PAPOLG: variants seen among roughly 807,000 people sequenced by gnomAD.
PAPOLG encodes poly(A) polymerase gamma.
Under a neutral mutation model 99.0 loss-of-function variants are expected in PAPOLG, and 40 were observed. The ratio of observed to expected loss-of-function variants is 0.40; its 90% confidence interval spans 0.31 to 0.53. PAPOLG has a LOEUF of 0.53. Ranked by LOEUF, PAPOLG falls within the 20% of genes least tolerant of loss-of-function variation. The pLI is 0.41. For missense variants in PAPOLG, 675 were observed against 884.1 expected, an observed-to-expected ratio of 0.76 and a Z score of 3.00; for synonymous variants, 310 against 299.3, an observed-to-expected ratio of 1.04 and a Z score of -0.37.
intron 7 of PAPOLG, 74 bp downstream of exon 7, chr2:60,771,704 G>T: frequency 1.3e-6 from 2 of 1,493,722 alleles, no homozygotes; most frequent in Non-Finnish European, 9.0e-7. Context: ...TTGCTGAATT[G>T]ACTATTCAGT....
intron 1 of PAPOLG, among the ~76,000 whole-genome samples, chr2:60,759,707 A>G (rs976985289): frequency 3.9e-5 from 6 of 152,252 alleles, no homozygotes; most frequent in Admixed American, 2.0e-4. Context: ...TTTCCTGGGG[A>G]AAAAAACCCA....
intron 3 of PAPOLG, among the ~76,000 whole-genome samples, chr2:60,762,289 G>A (rs1426763134): frequency 6.6e-6 from 1 of 151,924 alleles, no homozygotes; most frequent in Non-Finnish European, 1.5e-5. Context: ...TGGTTCCTAA[G>A]ACATAGGAAT....
At chr2:60,764,366 C>G (rs960689078) in intron 3 of PAPOLG, among the ~76,000 whole-genome samples, 3 of 152,138 alleles carry the variant, frequency 2.0e-5, no homozygotes, top group African/African-American at 7.2e-5. Context: ...TGTAAAGTCC[C>G]TTTCTGCCCC....
chr2:60,761,992 A>G (rs906754984), intron 3 of PAPOLG, among the ~76,000 whole-genome samples, 185 bp downstream of exon 3: 2 of 152,220 alleles, frequency 1.3e-5, no homozygotes, highest in African/African-American at 4.8e-5. Flanking sequence ...GAAGTAGCCA[A>G]TATATAGCTG....
At position 60,801,515 on chromosome 2, in the gene PAPOLG, C is replaced by T. The variant is rs1671832098; in HGVS notation, c.*4355C>T. 1 of 151,972 alleles carries T rather than the reference C, an allele frequency of 6.6e-6. No individual in the cohort carries two copies. The highest frequency in any genetic ancestry group is 2.1e-4 in the South Asian group (1 of 4,826). 9.4% of individuals were successfully genotyped at this position (151,972 alleles called of 1,614,324 possible). Reference sequence around the variant, plus strand: ...CTGGAATGCAGTGGCGCAATCTTGGCTCATTGCAACCTCCACCTCCCAGGT... The same window carrying T: ...CTGGAATGCAGTGGCGCAATCTTGGTTCATTGCAACCTCCACCTCCCAGGT... On this transcript the variant is annotated 3_prime_UTR_variant, in exon 22 of 22. Coordinates refer to ENST00000238714, the MANE Select transcript of PAPOLG (RefSeq NM_022894.4).
In PAPOLG at chr2:60,793,620, T is replaced by C. The variant is rs1174993286; in HGVS notation, c.1680-7T>C. The C allele has an allele frequency of 1.9e-6, 3 of 1,612,736 alleles. No homozygotes were observed. The highest frequency in any genetic ancestry group is 2.5e-6 in the Non-Finnish European group (3 of 1,179,384). On this transcript the variant is annotated splice_polypyrimidine_tract_variant and splice_region_variant and intron_variant, in intron 17 of 21. Transcript: ENST00000238714. ...ATTTATTGATGATAATTTAACACTT[T>C]CATTAGGAATAGTGCTGAGCCTGCT...
intron 5 of PAPOLG, 83 bp from the exon 6 acceptor site, chr2:60,770,375 T>C (rs1670815077): frequency 8.5e-7 from 1 of 1,176,686 alleles, no homozygotes; most frequent in East Asian, 2.7e-5. Flanking sequence ...AAATCGGGAG[T>C]AAAGATATTC....
rs1306628929 is a variant in PAPOLG, at chr2:60,795,025, C to G, written c.2112+5C>G. 1 of 1,606,570 alleles carries G rather than the reference C, an allele frequency of 6.2e-7. No individual in the cohort carries two copies. Among genetic ancestry groups the G allele is most frequent in the African/African-American group, 1.3e-5 (1 of 74,700 alleles). On this transcript the variant is annotated splice_donor_5th_base_variant and intron_variant, in intron 21 of 21. Transcript: ENST00000238714. ...ATTGATACATCACGCAAAAAGGTAA[C>G]AAGATAGTCTTGTTCATAGGTACAG...
At chr2:60,788,572 G>A (rs1671436341) in intron 15 of PAPOLG, among the ~76,000 whole-genome samples, 1 of 152,046 alleles carries the variant, frequency 6.6e-6, no homozygotes, top group Admixed American at 6.6e-5. Flanking sequence ...TCCTGCCTCG[G>A]CCTCCCAAAA....
intron 7 of PAPOLG, among the ~76,000 whole-genome samples, chr2:60,773,230 T>C (rs902601379): frequency 9.9e-5 from 15 of 152,220 alleles, no homozygotes; most frequent in Non-Finnish European, 1.8e-4. Flanking sequence ...CGGACTTCAC[T>C]GGTCTTTAGT....
intron 3 of PAPOLG, among the ~76,000 whole-genome samples, chr2:60,765,072 G>C (rs185500840): frequency 2.0e-5 from 3 of 151,932 alleles, no homozygotes; most frequent in African/African-American, 7.3e-5. Context: ...TCTTTTGTGT[G>C]GGGGAATGGG....
In PAPOLG at chr2:60,793,993, T is replaced by C; in HGVS notation, c.1791T>C (p.Thr597=). 6.2e-7 allele frequency: 1 copy of C among 1,611,094 alleles called. No homozygotes were observed. The highest frequency in any genetic ancestry group is 8.5e-7 in the Non-Finnish European group (1 of 1,177,436). ...IGAKVDSTVK[T]VSPPTVCTIP... is the part of the protein sequence containing the mutation. Reference sequence around the variant, plus strand: ...CAGAAGTTGACTCTACAGTAAAAACTGTATCACCCCCCACTGTGTGTACCA... The same window carrying C: ...CAGAAGTTGACTCTACAGTAAAAACCGTATCACCCCCCACTGTGTGTACCA... The change falls in exon 19 of 22, where the codon ACT becomes ACC. Residue 597 remains threonine, a synonymous_variant. Coordinates refer to ENST00000238714, the MANE Select transcript of PAPOLG (RefSeq NM_022894.4).
chr2:60,787,643 C>G, intron 15 of PAPOLG, 23 bp downstream of exon 15: 9 of 1,608,556 alleles, frequency 5.6e-6, no homozygotes, highest in Non-Finnish European at 6.8e-6. Flanking sequence ...CATCATAGAG[C>G]TGTGATTCTC....
chr2:60,756,408 G>C lies in PAPOLG; in HGVS notation c.-71G>C. On this transcript the variant is annotated 5_prime_UTR_variant, in exon 1 of 22. Coordinates refer to ENST00000238714, the MANE Select transcript of PAPOLG (RefSeq NM_022894.4). ...TAGCGACCGGAGGAAAGTGAACAGG[G>C]GGAGAAGGGAACAGCAAGAACAGGA... 6.2e-7 allele frequency: 1 copy of C among 1,604,264 alleles called. No homozygotes were observed. Among genetic ancestry groups the C allele is most frequent in the Non-Finnish European group, 8.5e-7 (1 of 1,171,258 alleles).
At chr2:60,776,015 G>A (rs534608100) in intron 8 of PAPOLG, among the ~76,000 whole-genome samples, 76 of 152,150 alleles carry the variant, frequency 5.0e-4, no homozygotes, top group Non-Finnish European at 8.1e-4. Flanking sequence ...CGCTCGCCTC[G>A]GCCTCCCAAA....
chr2:60,800,127 A>G lies in PAPOLG; in HGVS notation c.*2967A>G, dbSNP rs1430851607. 1 of 152,326 alleles carries G rather than the reference A, an allele frequency of 6.6e-6. No homozygotes were observed. The highest frequency in any genetic ancestry group is 2.1e-4 in the South Asian group (1 of 4,830). 9.4% of individuals were successfully genotyped at this position (152,326 alleles called of 1,614,324 possible). On this transcript the variant is annotated 3_prime_UTR_variant, in exon 22 of 22. Transcript: ENST00000238714. ...ACCTTAGGGACTTAACCAATTCAAGATAGAGGTACATGGCTTAAAACTTTG... is the reference window on the plus strand; with the variant it reads ...ACCTTAGGGACTTAACCAATTCAAGGTAGAGGTACATGGCTTAAAACTTTG...
At chr2:60,778,564 T>TA (rs1671092561) in intron 8 of PAPOLG, among the ~76,000 whole-genome samples, 1 of 152,084 alleles carries the variant, frequency 6.6e-6, no homozygotes, top group Non-Finnish European at 1.5e-5. Context: ...CTCAGTATAC[T>TA]AAAAAACCAT....
At chr2:60,774,314 G>A (rs1183896766) in intron 7 of PAPOLG, among the ~76,000 whole-genome samples, 4 of 151,336 alleles carry the variant, frequency 2.6e-5, no homozygotes, top group Admixed American at 6.6e-5. Flanking sequence ...TATAAAAAAA[G>A]TTTGACCTCA....
At chr2:60,757,923 A>G (rs1440868300) in intron 1 of PAPOLG, among the ~76,000 whole-genome samples, 3 of 152,308 alleles carry the variant, frequency 2.0e-5, no homozygotes, top group South Asian at 2.1e-4. Flanking sequence ...TTGTCAGCAT[A>G]CAGGTAAAAA....
Sources: gnomAD v4.1 joint callset for allele counts (sites outside exome capture counted in the v4.1 genomes callset) on GRCh38, gnomAD v4.1.1 for gene constraint, MANE v1.5 for transcripts, NCBI Gene and HGNC (gene_info 2026-07-23, HGNC 2026-07-21) for gene names.